BABAM2: variants seen among roughly 807,000 people sequenced by gnomAD.
The protein encoded by BABAM2 is BRISC and BRCA1 A complex member 2.
BABAM2 carries 31 observed loss-of-function variants against 54.7 expected under a neutral mutation model. The observed-to-expected ratio is 0.57, with a 90% CI of 0.43 to 0.77. The LOEUF is 0.77. Among genes scored for constraint, BABAM2 ranks in the 30% least tolerant of loss-of-function variants. BABAM2 has a pLI of 0.00. For missense variants in BABAM2, 364 were observed against 455.8 expected (o/e 0.80, Z 1.83); for synonymous variants, 167 against 162.9 (o/e 1.03, Z -0.19).
chr2:28,287,320 GTTTA>G (rs1432396866), intron 10 of BABAM2, among the ~76,000 whole-genome samples: 1 of 152,160 alleles, frequency 6.6e-6, no homozygotes, highest in Non-Finnish European at 1.5e-5. Context: ...CAGGCCAGGA[GTTTA>G]TTTATTGTGA....
At chr2:27,949,258 A>T (rs12165240) in intron 3 of BABAM2, among the ~76,000 whole-genome samples, 112,002 of 152,182 alleles carry the variant, frequency 0.74, 42,285 homozygotes, top group Middle Eastern at 0.88. Flanking sequence ...GTTGGCTGGG[A>T]GCGGTGGCTT....
rs565834550 is a variant in BABAM2, at chr2:28,201,182, A to G, written c.681-36020A>G. ...GTAGTACATTATTGTGTGGTATTAA[A>G]TTGTTTTTTATTTTTTTTAGGATTT... On this transcript the variant is annotated intron_variant, in intron 7 of 11. Transcript: ENST00000379624. Among the ~76,000 whole-genome samples, 11 of 152,212 alleles carry G rather than the reference A, an allele frequency of 7.2e-5. No individual in the cohort carries two copies. In the South Asian group the frequency reaches 2.3e-3, roughly 32 times the overall value.
intron 6 of BABAM2, among the ~76,000 whole-genome samples, chr2:28,105,110 G>A (rs974339342): frequency 6.6e-6 from 1 of 152,022 alleles, no homozygotes; most frequent in Non-Finnish European, 1.5e-5. Context: ...AATGGGTGCA[G>A]CACACCAACA....
At chr2:27,979,555 G>A (rs368990135) in intron 3 of BABAM2, among the ~76,000 whole-genome samples, 3 of 152,112 alleles carry the variant, frequency 2.0e-5, no homozygotes, top group East Asian at 3.9e-4. Context: ...TTCCACAGTG[G>A]CTGAACTAGT....
At chr2:28,248,875 A>G (rs1683157292) in intron 10 of BABAM2, among the ~76,000 whole-genome samples, 1 of 152,016 alleles carries the variant, frequency 6.6e-6, no homozygotes, top group South Asian at 2.1e-4. Context: ...CTCCAACTTA[A>G]CTGAGTTCTG....
intron 4 of BABAM2, among the ~76,000 whole-genome samples, chr2:28,020,545 G>A (rs540526704): frequency 6.6e-6 from 1 of 152,186 alleles, no homozygotes; most frequent in South Asian, 2.1e-4. Flanking sequence ...GCTGTGGAAG[G>A]TTGGGAGGGG....
At chr2:28,242,205 A>G (rs1682509505) in intron 9 of BABAM2, among the ~76,000 whole-genome samples, 1 of 152,140 alleles carries the variant, frequency 6.6e-6, no homozygotes, top group East Asian at 1.9e-4. Flanking sequence ...TCCACTGCCA[A>G]CAGTGCCACA....
At chr2:28,208,488 C>G (rs980334765) in intron 7 of BABAM2, among the ~76,000 whole-genome samples, 8 of 152,212 alleles carry the variant, frequency 5.3e-5, no homozygotes, top group Admixed American at 2.0e-4. Context: ...CCCAGTCTTT[C>G]CCACCTCCAG....
rs1047299343 is a variant in BABAM2, at chr2:28,170,973, G to A, written c.680+41593G>A. On this transcript the variant is annotated intron_variant, in intron 7 of 11. Transcript: ENST00000379624. ...CATTTCCTCCAACCCGAGTCCCCTC[G>A]TCTTCCAGTTCCCCTTCACAGAGGC... Among the ~76,000 whole-genome samples the A allele has an allele frequency of 1.4e-4, 21 of 152,142 alleles. 1 individual carries two copies. The highest frequency in any genetic ancestry group is 3.1e-4 in the African/African-American group (13 of 41,426).
chr2:28,211,389 T>TTTTTTTA, intron 7 of BABAM2, among the ~76,000 whole-genome samples: 1 of 137,788 alleles, frequency 7.3e-6, no homozygotes. Flanking sequence ...TTATTATCTT[T>TTTTTTTA]TTTTTTTTTT....
At chr2:28,216,268 G>A (rs1679908524) in intron 7 of BABAM2, among the ~76,000 whole-genome samples, 1 of 152,116 alleles carries the variant, frequency 6.6e-6, no homozygotes, top group Admixed American at 6.6e-5. Context: ...GTTTTCATGT[G>A]TTGTCCTAAG....
rs1483057057 is a variant in BABAM2 at position 27,995,720 on chromosome 2, C to G, written c.300+7633C>G. Among the ~76,000 whole-genome samples the G allele has an allele frequency of 6.6e-6, 1 of 152,104 alleles. No individual in the cohort carries two copies. The highest frequency in any genetic ancestry group is 1.5e-5 in the Non-Finnish European group (1 of 68,026). On this transcript the variant is annotated intron_variant, in intron 4 of 11. Transcript: ENST00000379624. This position sits in a 1 kb window ranked among gnomAD's most constrained non-coding sequence, Gnocchi z 4.1. ...TCAGCCTCCCGAGTAGCTGGGACTA[C>G]AGGCGCCCGCCACCACACCTGGCTA...
At position 28,329,264 on chromosome 2, in the gene BABAM2, T is replaced by A. The variant is rs1438170185; in HGVS notation, c.1089-9186T>A. Among the ~76,000 whole-genome samples the A allele has an allele frequency of 1.3e-5, 2 of 152,214 alleles. No individual in the cohort carries two copies. The highest frequency in any genetic ancestry group is 2.9e-5 in the Non-Finnish European group (2 of 68,034). Reference sequence around the variant, plus strand: ...CCCCCGACAAAACTGTCTATGGCACTTTTTGCTCGGGGCTCTGCAGCGTTC... The same window carrying A: ...CCCCCGACAAAACTGTCTATGGCACATTTTGCTCGGGGCTCTGCAGCGTTC... On this transcript the variant is annotated intron_variant, in intron 11 of 11. Transcript: ENST00000379624. The surrounding 1 kb of genome is among the most constrained non-coding windows in gnomAD (Gnocchi z 4.2).
At chr2:28,271,273 G>A (rs1685405787) in intron 10 of BABAM2, among the ~76,000 whole-genome samples, 1 of 152,192 alleles carries the variant, frequency 6.6e-6, no homozygotes, top group South Asian at 2.1e-4. Context: ...ATGCAAGGTG[G>A]TCGAGTGTGT....
intron 7 of BABAM2, among the ~76,000 whole-genome samples, chr2:28,215,433 G>A (rs992901992): frequency 1.3e-5 from 2 of 152,146 alleles, no homozygotes. Context: ...TGTTGATGCA[G>A]CACTGATATG....
chr2:28,122,834 G>C (rs1381452706), intron 6 of BABAM2, among the ~76,000 whole-genome samples: 1 of 149,606 alleles, frequency 6.7e-6, no homozygotes, highest in African/African-American at 2.5e-5. Context: ...ATTGAGAATA[G>C]TTATGTAAAT....
At chr2:28,122,912 C>G (rs1669200694) in intron 6 of BABAM2, among the ~76,000 whole-genome samples, 2 of 152,186 alleles carry the variant, frequency 1.3e-5, no homozygotes, top group South Asian at 4.1e-4. Context: ...ATACATAGTT[C>G]AGACTTGAGT....
intron 7 of BABAM2, chr2:28,233,193 C>T (rs1198079732): frequency 1.9e-5 from 9 of 471,562 alleles, no homozygotes; most frequent in Admixed American, 1.9e-4. Context: ...CGCTTCCTCC[C>T]CGCACCACTC....
chr2:28,324,720 T>C lies in BABAM2; in HGVS notation c.1089-13730T>C, dbSNP rs562078177. Among the ~76,000 whole-genome samples the C allele has an allele frequency of 2.4e-4, 37 of 152,042 alleles. No homozygotes were observed. In the South Asian group the frequency reaches 7.7e-3, roughly 32 times the overall value. On this transcript the variant is annotated intron_variant, in intron 11 of 11. Transcript: ENST00000379624. ...TGAGGCAGGAGGATCACTTGAGCCT[T>C]GGAGGTCGAGGCTGCAGTGAGCCAA...
Sources: gnomAD v4.1 joint callset for allele counts (sites outside exome capture counted in the v4.1 genomes callset) on GRCh38, gnomAD v4.1.1 for gene constraint, Gnocchi (gnomAD v3.1) non-coding constraint, MANE v1.5 for transcripts, NCBI Gene and HGNC (gene_info 2026-07-23, HGNC 2026-07-21) for gene names.